LAMP2: variants seen among roughly 807,000 people sequenced by gnomAD.
The protein encoded by LAMP2 is lysosome associated membrane protein 2, also known as lysosome-associated membrane glycoprotein 2.
LAMP2 carries 4 observed loss-of-function variants against 25.6 expected under a neutral mutation model. The observed-to-expected ratio is 0.16, with a 90% confidence interval of 0.08 to 0.36. LAMP2 has a LOEUF of 0.36. LAMP2 is among the 10% of genes least tolerant of loss of function. The probability of loss-of-function intolerance (pLI) is 1.00; values close to 1 mark genes in which losing one functional copy is unlikely to be tolerated. For missense variants in LAMP2, 272 were observed against 301.4 expected (o/e 0.90, Z 0.72); for synonymous variants, 108 against 112.7 (o/e 0.96, Z 0.27).
chrX:120,460,335 G>A (rs1215103709), intron 1 of LAMP2, among the ~76,000 whole-genome samples: 1 of 110,444 alleles, frequency 9.1e-6, no homozygotes, highest in African/African-American at 3.3e-5. Flanking sequence ...TCTTCAGGGT[G>A]GTAGAGGTGA....
chrX:120,437,333 T>C, intron 8 of LAMP2: 3 of 748,029 alleles, frequency 4.0e-6, no homozygotes, highest in Non-Finnish European at 4.7e-6. Flanking sequence ...GTGTGTGTAT[T>C]GATCCATTCA....
intron 3 of LAMP2, among the ~76,000 whole-genome samples, chrX:120,455,057 A>C (rs1452734680): frequency 9.7e-6 from 1 of 103,309 alleles, no homozygotes; most frequent in East Asian, 2.9e-4. Flanking sequence ...TAGGATATAC[A>C]TATATATGTA....
In LAMP2 at chrX:120,429,913, T is replaced by C. The variant is rs1317693811; in HGVS notation, c.*1410A>G. ...ATGATTAAGCAATAACTTGTACTTT[T>C]CTTCTAATTTTAACTTTTCCTCCTC... is the stretch of plus-strand genomic sequence containing the variant. On this transcript the variant is annotated 3_prime_UTR_variant, in exon 9 of 9. Transcript: ENST00000200639. 1 of 751,349 alleles carries C rather than the reference T, an allele frequency of 1.3e-6. No homozygotes were observed. 61.9% of individuals were successfully genotyped at this position (751,349 alleles called of 1,213,427 possible). A position where few individuals can be genotyped will look rare whatever the true frequency, so the allele number is the denominator to read the frequency against.
rs2058593683 is a variant in LAMP2 at position 120,445,873 on chromosome X, T to C, written c.864+432A>G. On this transcript the variant is annotated intron_variant, in intron 6 of 8. Transcript: ENST00000200639. ...GTAAGTACTCAATAGATGTTACCTA[T>C]TTTTATTACTGACACTATCACAAAT... Among the ~76,000 whole-genome samples the C allele has an allele frequency of 2.7e-5, 3 of 112,290 alleles. No individual in the cohort carries two copies. The South Asian group carries it at 1.1e-3, about 41-fold the overall frequency.
At chrX:120,454,128 T>C (rs2058634053) in intron 3 of LAMP2, among the ~76,000 whole-genome samples, 1 of 110,306 alleles carries the variant, frequency 9.1e-6, no homozygotes, top group Admixed American at 9.7e-5. Context: ...TGTCCCGCTC[T>C]GCACAACCAG....
Position 120,430,785 on chromosome X carries a change from T to C in LAMP2, c.*538A>G. ...ATAACCTTTAAAATGCTGATGGTCC[T>C]GAGGACATTCTCTACTTCATTCAAC... is the stretch of plus-strand genomic sequence containing the variant. On this transcript the variant is annotated 3_prime_UTR_variant, in exon 9 of 9. Coordinates refer to ENST00000200639, the MANE Select transcript of LAMP2 (RefSeq NM_002294.3). 1 of 757,164 alleles carries C rather than the reference T, an allele frequency of 1.3e-6. No homozygotes were observed. The highest frequency in any genetic ancestry group is 6.6e-5 in the South Asian group (1 of 15,172). The allele number at this position is 757,164 out of a possible 1,213,427, so 62.4% of individuals were successfully genotyped here.
intron 1 of LAMP2, among the ~76,000 whole-genome samples, chrX:120,465,034 T>C (rs923744592): frequency 6.3e-5 from 7 of 111,751 alleles, no homozygotes; most frequent in Admixed American, 1.9e-4. Flanking sequence ...TGAGCCACCA[T>C]GCCCGGCCTC....
At chrX:120,459,268 C>A (rs908375495) in intron 1 of LAMP2, among the ~76,000 whole-genome samples, 1 of 112,115 alleles carries the variant, frequency 8.9e-6, no homozygotes, top group Non-Finnish European at 1.9e-5. Context: ...ATCTGAAACA[C>A]CCCTTGTCCC....
At chrX:120,460,529 T>C (rs1433656150) in intron 1 of LAMP2, among the ~76,000 whole-genome samples, 2 of 112,476 alleles carry the variant, frequency 1.8e-5, no homozygotes, top group Non-Finnish European at 3.8e-5. Context: ...TTCAACTTGA[T>C]ATAAATAAAA....
At chrX:120,445,973 A>G (rs1480228655) in intron 6 of LAMP2, among the ~76,000 whole-genome samples, 1 of 112,239 alleles carries the variant, frequency 8.9e-6, no homozygotes, top group Non-Finnish European at 1.9e-5. Flanking sequence ...CAGAGAAAAA[A>G]TTATCATGGA....
chrX:120,439,487 T>C (rs755983599), intron 8 of LAMP2, among the ~76,000 whole-genome samples: 1 of 106,266 alleles, frequency 9.4e-6, no homozygotes, highest in East Asian at 2.8e-4. Context: ...AGACTTTCTT[T>C]GTCCTTTCAT....
At chrX:120,435,814 C>T (rs1007524620) in intron 8 of LAMP2, among the ~76,000 whole-genome samples, 1 of 111,490 alleles carries the variant, frequency 9.0e-6, no homozygotes, top group Admixed American at 9.6e-5. Context: ...AAGTTACCAG[C>T]TACATTGCTA....
intron 8 of LAMP2, among the ~76,000 whole-genome samples, chrX:120,436,170 A>ACACACACTCTCTCTCT (rs1251901451): frequency 2.5e-3 from 143 of 57,278 alleles, no homozygotes; most frequent in African/African-American, 7.1e-3. Flanking sequence ...ACACACACAC[A>ACACACACTCTCTCTCT]CTCTCTCTCT....
rs1250322565 is a variant in LAMP2 at position 120,430,535 on chromosome X, AAAG to A, written c.*785_*787del. The A allele has an allele frequency of 1.1e-5, 8 of 751,853 alleles. No homozygotes were observed. The highest frequency in any genetic ancestry group is 1.3e-5 in the Non-Finnish European group (8 of 636,643). The allele number at this position is 751,853 out of a possible 1,213,427, so 62.0% of individuals were successfully genotyped here. On this transcript the variant is annotated 3_prime_UTR_variant, in exon 9 of 9. Coordinates refer to ENST00000200639, the MANE Select transcript of LAMP2 (RefSeq NM_002294.3). ...ATCTTTCAATACTAATCAGGCATCC[AAAG>A]AAGAACAAAACAAGAAACAAAAAAG...
chrX:120,455,816 A>C lies in LAMP2; in HGVS notation c.184-246T>G, dbSNP rs1368291360. ...CTGCTGTTCTTAAACTGATTTTTTAAAAAATTAGGTTGTAAGTAGTGAGGA... is the reference window on the plus strand; with the variant it reads ...CTGCTGTTCTTAAACTGATTTTTTACAAAATTAGGTTGTAAGTAGTGAGGA... On this transcript the variant is annotated intron_variant, in intron 2 of 8. Coordinates refer to ENST00000200639, the MANE Select transcript of LAMP2 (RefSeq NM_002294.3). Among the ~76,000 whole-genome samples, 3 of 108,168 alleles carry C rather than the reference A, an allele frequency of 2.8e-5. No homozygotes were observed. In the Admixed American group the frequency reaches 3.0e-4, roughly 11 times the overall value. The allele number at this position is 108,168 out of a possible 115,157, so 93.9% of individuals were successfully genotyped here.
intron 8 of LAMP2, among the ~76,000 whole-genome samples, chrX:120,436,170 A>ACTCTCTCTCT (rs1232205922): frequency 6.8e-4 from 39 of 57,296 alleles, no homozygotes; most frequent in African/African-American, 2.0e-3. Context: ...ACACACACAC[A>ACTCTCTCTCT]CTCTCTCTCT....
At chrX:120,438,430 T>C (rs2058555281) in intron 8 of LAMP2, 1 of 739,816 alleles carries the variant, frequency 1.4e-6, no homozygotes, top group Non-Finnish European at 1.6e-6. Flanking sequence ...GTCTTATATA[T>C]TGCAATTTAA....
chrX:120,446,184 T>A (rs2058595144), intron 6 of LAMP2, 121 bp downstream of exon 6: 1 of 642,660 alleles, frequency 1.6e-6, no homozygotes, highest in Admixed American at 2.3e-5. Flanking sequence ...CTACACTTTA[T>A]AATTGAGTAC....
intron 4 of LAMP2, 110 bp downstream of exon 4, chrX:120,448,860 G>T: frequency 1.5e-6 from 1 of 674,905 alleles, no homozygotes; most frequent in South Asian, 2.5e-5. Context: ...TAGAAGCTAT[G>T]AATAAACCTT....
Sources: gnomAD v4.1 joint callset for allele counts (sites outside exome capture counted in the v4.1 genomes callset) on GRCh38, gnomAD v4.1.1 for gene constraint, MANE v1.5 for transcripts, NCBI Gene and HGNC (gene_info 2026-07-23, HGNC 2026-07-21) for gene names.